Variants in PCDH15 observed in about 807,000 individuals in gnomAD.
The protein encoded by PCDH15 is protocadherin related 15, also known as protocadherin-15.
Under a neutral mutation model 178.5 loss-of-function variants are expected in PCDH15, and 129 were observed. The ratio of observed to expected loss-of-function variants is 0.72; its 90% CI spans 0.63 to 0.84. The LOEUF (loss-of-function observed/expected upper bound fraction) is 0.84, where lower values mean the gene tolerates loss of function less well. PCDH15 is among the 40% of genes least tolerant of loss of function. PCDH15 has a pLI of 0.00. For synonymous variants in PCDH15, 800 were observed against 732.0 expected (o/e 1.09, Z -1.50); for missense variants, 2,230 against 2,099.9 (o/e 1.06, Z -1.21).
At chr10:55,346,894 C>G (rs1216769025) in intron 2 of PCDH15, among the ~76,000 whole-genome samples, 1 of 151,828 alleles carries the variant, frequency 6.6e-6, no homozygotes, top group Non-Finnish European at 1.5e-5. Context: ...ATAGTCAGTA[C>G]AGGTTACTAT....
chr10:54,855,855 T>C (rs113570886), intron 3 of PCDH15, among the ~76,000 whole-genome samples: 1 of 152,124 alleles, frequency 6.6e-6, no homozygotes, highest in Non-Finnish European at 1.5e-5. Context: ...ATAGCAGAAG[T>C]CATTTGTGGC....
chr10:53,981,048 G>A (rs114362820), intron 21 of PCDH15, among the ~76,000 whole-genome samples: 258 of 152,206 alleles, frequency 1.7e-3, no homozygotes, highest in African/African-American at 6.0e-3. Context: ...ACTCATATCT[G>A]TATTAACATG....
intron 7 of PCDH15, among the ~76,000 whole-genome samples, chr10:54,323,586 C>T (rs2061740474): frequency 6.6e-6 from 1 of 152,050 alleles, no homozygotes; most frequent in Non-Finnish European, 1.5e-5. Context: ...AAGCTGGAGG[C>T]CATAATCCTA....
At chr10:54,015,310 C>G (rs1380820819) in intron 20 of PCDH15, among the ~76,000 whole-genome samples, 1 of 152,072 alleles carries the variant, frequency 6.6e-6, no homozygotes, top group Admixed American at 6.6e-5. Flanking sequence ...GAATCAATAT[C>G]ATTAAAATGG....
chr10:53,988,795 G>A (rs2091278458), intron 21 of PCDH15, among the ~76,000 whole-genome samples: 1 of 151,888 alleles, frequency 6.6e-6, no homozygotes, highest in Admixed American at 6.5e-5. Flanking sequence ...AGTATGTTGG[G>A]ACCCAGGTCC....
At chr10:54,716,414 T>A (rs111556723) in intron 1 of PCDH15, among the ~76,000 whole-genome samples, 18,535 of 152,142 alleles carry the variant, frequency 0.12, 1,259 homozygotes, top group African/African-American at 0.17. Flanking sequence ...CTTCCATTTG[T>A]TTGTATCCTC....
At chr10:53,827,338 C>A in intron 32 of PCDH15, 55 bp downstream of exon 32, 1 of 1,547,252 alleles carries the variant, frequency 6.5e-7, no homozygotes, top group Non-Finnish European at 8.7e-7. Flanking sequence ...ATACTCACCA[C>A]ACAGAATTCA....
chr10:54,318,047 T>C (rs2061387166), intron 7 of PCDH15, among the ~76,000 whole-genome samples: 1 of 152,178 alleles, frequency 6.6e-6, no homozygotes, highest in Non-Finnish European at 1.5e-5. Context: ...TTAGAAACCT[T>C]GTAATTGTAA....
intron 1 of PCDH15, among the ~76,000 whole-genome samples, chr10:55,247,025 A>C (rs2132218703): frequency 6.6e-6 from 1 of 152,282 alleles, no homozygotes; most frequent in East Asian, 1.9e-4. Context: ...TTAAGCACAA[A>C]TATGCAAACA....
rs1479767929 is a variant in PCDH15 at position 55,625,383 on chromosome 10, C to T, written c.-156+2242G>A. 4.6e-5 allele frequency among the ~76,000 whole-genome samples: 7 copies of T among 152,112 alleles called. No individual in the cohort carries two copies. In the East Asian group the frequency reaches 1.3e-3, roughly 29 times the overall value. ...TTTTTAGATTAACATGCAAGTATGA[C>T]ACCCTCCCTCACAAAAATCAAGTTC... On this transcript the variant is annotated intron_variant, in intron 2 of 5. Coordinates refer to the PCDH15 transcript ENST00000613346.
intron 2 of PCDH15, among the ~76,000 whole-genome samples, chr10:54,972,592 T>C (rs1401700651): frequency 1.3e-5 from 2 of 151,492 alleles, no homozygotes; most frequent in East Asian, 3.9e-4. Context: ...CTCACGCCTG[T>C]AATCCCAGCA....
intron 2 of PCDH15, among the ~76,000 whole-genome samples, chr10:55,526,410 A>G (rs1841302440): frequency 6.6e-6 from 1 of 152,032 alleles, no homozygotes; most frequent in Non-Finnish European, 1.5e-5. Context: ...ATACTTACAC[A>G]GTAATTTATT....
chr10:54,021,286 A>G (rs116439312), intron 19 of PCDH15, among the ~76,000 whole-genome samples: 1,663 of 152,110 alleles, frequency 0.011, 36 homozygotes, highest in African/African-American at 0.038. Context: ...AAAATGGGGA[A>G]GATCCAGAGT....
chr10:54,793,128 T>C (rs191490342), intron 1 of PCDH15, among the ~76,000 whole-genome samples: 1 of 152,030 alleles, frequency 6.6e-6, no homozygotes, highest in East Asian at 1.9e-4. Flanking sequence ...TCAGGGGAAC[T>C]GAACCTTCAT....
At chr10:54,512,533 C>G (rs1035424682) in intron 3 of PCDH15, among the ~76,000 whole-genome samples, 2 of 152,012 alleles carry the variant, frequency 1.3e-5, no homozygotes, top group African/African-American at 2.4e-5. Flanking sequence ...AATTTAGTTA[C>G]TACTTCTGAA....
chr10:54,998,730 GT>G (rs1839712860), intron 2 of PCDH15, among the ~76,000 whole-genome samples: 1 of 152,022 alleles, frequency 6.6e-6, no homozygotes, highest in Non-Finnish European at 1.5e-5. Flanking sequence ...TGCTTGCTTT[GT>G]TTTACTTAAC....
chr10:55,181,994 T>C (rs1839663285), intron 1 of PCDH15, among the ~76,000 whole-genome samples: 1 of 151,942 alleles, frequency 6.6e-6, no homozygotes, highest in Non-Finnish European at 1.5e-5. Flanking sequence ...TTCAGAAGTT[T>C]TGGTGATTGA....
At chr10:54,846,467 C>A (rs1416160332) in intron 3 of PCDH15, among the ~76,000 whole-genome samples, 3 of 152,028 alleles carry the variant, frequency 2.0e-5, no homozygotes, top group Non-Finnish European at 4.4e-5. Context: ...GGGCCTGATT[C>A]TTCTACATTT....
intron 1 of PCDH15, among the ~76,000 whole-genome samples, chr10:54,798,362 A>G (rs1337438549): frequency 6.6e-6 from 1 of 152,084 alleles, no homozygotes; most frequent in Non-Finnish European, 1.5e-5. Context: ...AACGACAACA[A>G]CAAAATCCCA....
Sources: allele counts gnomAD v4.1 joint callset (sites outside exome capture counted in the v4.1 genomes callset), GRCh38; gene constraint gnomAD v4.1.1; transcripts MANE v1.5; gene names NCBI Gene and HGNC (gene_info 2026-07-23, HGNC 2026-07-21).